Variants in DAB1 observed in about 807,000 individuals in gnomAD.
The protein encoded by DAB1 is disabled homolog 1.
A neutral mutation model predicts 64.6 loss-of-function variants in DAB1; 15 were observed. The observed-to-expected ratio is 0.23, with a 90% CI of 0.16 to 0.36. The LOEUF is 0.36. Ranked by LOEUF, DAB1 falls within the 10% of genes least tolerant of loss-of-function variation. The probability of loss-of-function intolerance (pLI) is 1.00; values close to 1 mark genes in which losing one functional copy is unlikely to be tolerated. For missense variants in DAB1, 596 were observed against 706.7 expected (o/e 0.84, Z 1.78); for synonymous variants, 235 against 251.9 (o/e 0.93, Z 0.64).
chr1:58,162,289 C>T (rs1010635708), intron 4 of DAB1, among the ~76,000 whole-genome samples: 28 of 152,300 alleles, frequency 1.8e-4, no homozygotes, highest in African/African-American at 6.7e-4. Flanking sequence ...AAGGCTGATC[C>T]AAATAATAGC....
At chr1:58,071,223 T>C (rs933562221) in intron 5 of DAB1, among the ~76,000 whole-genome samples, 4 of 152,172 alleles carry the variant, frequency 2.6e-5, no homozygotes, top group African/African-American at 9.7e-5. Flanking sequence ...CTTGAAGAAA[T>C]GAAGGGTGTT....
chr1:57,644,556 C>CATAT (rs146451010), intron 7 of DAB1, among the ~76,000 whole-genome samples: 5 of 151,284 alleles, frequency 3.3e-5, no homozygotes, highest in East Asian at 1.9e-4. Flanking sequence ...TGTGTGTATG[C>CATAT]ATATATATAT....
intron 2 of DAB1, among the ~76,000 whole-genome samples, chr1:57,214,536 A>G (rs1262398683): frequency 8.5e-5 from 13 of 152,198 alleles, no homozygotes. Flanking sequence ...GAGTTGATAA[A>G]TTGTAACCCA....
intron 4 of DAB1, among the ~76,000 whole-genome samples, chr1:58,249,708 C>T (rs976308677): frequency 2.0e-5 from 3 of 152,058 alleles, no homozygotes; most frequent in African/African-American, 7.2e-5. Context: ...GAAGTTGTTT[C>T]CCCGGGACAG....
intron 2 of DAB1, among the ~76,000 whole-genome samples, chr1:57,265,507 C>T (rs1570102673): frequency 6.6e-6 from 1 of 152,116 alleles, no homozygotes; most frequent in African/African-American, 2.4e-5. Context: ...ATCTACACAA[C>T]TGTCAGAGAT....
intron 3 of DAB1, among the ~76,000 whole-genome samples, chr1:58,483,888 C>A (rs1569863487): frequency 6.6e-6 from 1 of 152,158 alleles, no homozygotes; most frequent in Admixed American, 6.6e-5. Context: ...GTCATGGCTG[C>A]TATATCAGTG....
intron 5 of DAB1, among the ~76,000 whole-genome samples, chr1:57,911,636 A>G (rs573184990): frequency 2.0e-5 from 3 of 152,192 alleles, no homozygotes; most frequent in African/African-American, 7.2e-5. Context: ...ACCAGCCACC[A>G]GTACTCCTCA....
rs568687927 is a variant in DAB1 at position 58,161,152 on chromosome 1, A to C, written n.310-10564T>G. ...ACACACAAGGAGTCTCAAAGAATGG[A>C]GTCTTCCCCTTTGTTCATTTATTTA... On this transcript the variant is annotated intron_variant and non_coding_transcript_variant, in intron 4 of 20. Coordinates refer to the DAB1 transcript ENST00000485760. Among the ~76,000 whole-genome samples the C allele has an allele frequency of 2.6e-5, 4 of 152,314 alleles. No individual in the cohort carries two copies. In the East Asian group the frequency reaches 5.8e-4, roughly 22 times the overall value.
intron 1 of DAB1, among the ~76,000 whole-genome samples, chr1:57,404,675 A>C (rs1026017942): frequency 9.2e-5 from 14 of 152,224 alleles, no homozygotes; most frequent in African/African-American, 3.4e-4. Flanking sequence ...AATTCATTAC[A>C]CTTGACTGTA....
intron 4 of DAB1, among the ~76,000 whole-genome samples, chr1:58,313,897 C>CTACTCACCTCCATCCCAAG (rs1395548286): frequency 2.0e-5 from 3 of 146,392 alleles, no homozygotes; most frequent in Non-Finnish European, 3.0e-5. Flanking sequence ...CACTAATGAC[C>CTACTCACCTCCATCCCAAG]TACTCACCTC....
chr1:57,447,673 G>A (rs558233041), intron 7 of DAB1, among the ~76,000 whole-genome samples: 6 of 152,230 alleles, frequency 3.9e-5, no homozygotes, highest in East Asian at 1.9e-4. Context: ...GTATAATGGC[G>A]CCCTAGTGCC....
intron 5 of DAB1, among the ~76,000 whole-genome samples, chr1:58,144,494 C>T (rs139936102): frequency 3.3e-5 from 5 of 152,318 alleles, no homozygotes; most frequent in African/African-American, 1.2e-4. Context: ...ATAGAGCTTA[C>T]AATTCACCAG....
At chr1:57,256,745 T>C (rs528542535) in intron 2 of DAB1, among the ~76,000 whole-genome samples, 1 of 152,342 alleles carries the variant, frequency 6.6e-6, no homozygotes, top group East Asian at 1.9e-4. Flanking sequence ...TCAAGATTTG[T>C]ATTTGCTGCT....
chr1:57,171,981 G>C (rs1047590966), intron 2 of DAB1, among the ~76,000 whole-genome samples: 1 of 152,094 alleles, frequency 6.6e-6, no homozygotes, highest in African/African-American at 2.4e-5. Context: ...CGGCAGGGTT[G>C]GGCCCTTCTA....
chr1:57,198,737 GA>G (rs1357222058), intron 2 of DAB1, among the ~76,000 whole-genome samples: 2 of 151,746 alleles, frequency 1.3e-5, no homozygotes, highest in Non-Finnish European at 2.9e-5. Flanking sequence ...CAGAGGAAGT[GA>G]CGTGTAAGCT....
chr1:57,683,249 G>T (rs562668714), intron 6 of DAB1, among the ~76,000 whole-genome samples: 1 of 152,258 alleles, frequency 6.6e-6, no homozygotes, highest in East Asian at 1.9e-4. Context: ...TTGAAAGAAC[G>T]TGGTCTATCT....
At chr1:57,703,662 T>C (rs1427089415) in intron 6 of DAB1, among the ~76,000 whole-genome samples, 1 of 152,148 alleles carries the variant, frequency 6.6e-6, no homozygotes, top group Non-Finnish European at 1.5e-5. Context: ...AAAATACAAT[T>C]AGACCCAGCA....
intron 2 of DAB1, among the ~76,000 whole-genome samples, chr1:57,214,659 C>T (rs375210972): frequency 6.6e-6 from 1 of 151,962 alleles, no homozygotes; most frequent in African/African-American, 2.4e-5. Context: ...ACCTGTAATC[C>T]CAGCACTTTG....
chr1:58,125,300 C>T (rs1375985867), intron 5 of DAB1, among the ~76,000 whole-genome samples: 3 of 152,054 alleles, frequency 2.0e-5, no homozygotes, highest in African/African-American at 7.2e-5. Flanking sequence ...ATTTAAAATT[C>T]AGCAAATTTT....
Sources: allele counts gnomAD v4.1 joint callset (sites outside exome capture counted in the v4.1 genomes callset), GRCh38; gene constraint gnomAD v4.1.1; transcripts MANE v1.5; gene names NCBI Gene and HGNC (gene_info 2026-07-23, HGNC 2026-07-21).